Variants in TDRP observed in about 807,000 individuals in gnomAD.
The protein encoded by TDRP is testis development-related protein.
In TDRP, 12 loss-of-function variants were observed where a neutral mutation model predicts 10.5. The ratio of observed to expected loss-of-function variants is 1.15; its 90% CI spans 0.73 to 1.86. The LOEUF is 1.86. TDRP is among the 40% of genes most tolerant of loss of function. The pLI is 0.00. For missense variants in TDRP, 353 were observed against 229.2 expected, an observed-to-expected ratio of 1.54 and a Z score of -3.49; for synonymous variants, 139 against 95.4, an observed-to-expected ratio of 1.46 and a Z score of -2.67.
chr8:532,245 C>G (rs1310828026), intron 1 of TDRP, among the ~76,000 whole-genome samples: 1 of 152,168 alleles, frequency 6.6e-6, no homozygotes, highest in Non-Finnish European at 1.5e-5. Context: ...ATGTGGTGGC[C>G]AGCACTCAGT....
intron 2 of TDRP, among the ~76,000 whole-genome samples, chr8:493,756 CAG>C (rs1365510946): frequency 6.7e-6 from 1 of 148,212 alleles, no homozygotes; most frequent in African/African-American, 2.5e-5. Context: ...GTATTTTTAA[CAG>C]TGTTTTTTTT....
chr8:529,316 T>C (rs1286751150), intron 1 of TDRP, among the ~76,000 whole-genome samples: 1 of 152,146 alleles, frequency 6.6e-6, no homozygotes, highest in African/African-American at 2.4e-5. Flanking sequence ...AAAAACCAAA[T>C]CGAGTATTTT....
intron 1 of TDRP, among the ~76,000 whole-genome samples, chr8:512,462 A>T (rs1255212959): frequency 6.6e-6 from 1 of 152,156 alleles, no homozygotes; most frequent in African/African-American, 2.4e-5. Flanking sequence ...AGCAAAATTG[A>T]TAAATCTTGA....
chr8:521,951 CCTT>C (rs1201903725), intron 1 of TDRP, among the ~76,000 whole-genome samples: 1 of 151,962 alleles, frequency 6.6e-6, no homozygotes, highest in Non-Finnish European at 1.5e-5. Context: ...TTTCTAAGTA[CCTT>C]TTTTCTTGAT....
chr8:496,803 T>C (rs772841823), intron 1 of TDRP, among the ~76,000 whole-genome samples: 19 of 152,142 alleles, frequency 1.2e-4, no homozygotes, highest in Non-Finnish European at 8.8e-5. Flanking sequence ...GACTGGATCA[T>C]GGGGGCAGAT....
intron 1 of TDRP, among the ~76,000 whole-genome samples, chr8:515,569 C>G (rs1333684080): frequency 1.3e-5 from 2 of 152,148 alleles, no homozygotes; most frequent in African/African-American, 4.8e-5. Context: ...TGGAGCATTT[C>G]ACATTTTTAG....
chr8:496,782 T>G (rs565336294), intron 1 of TDRP, among the ~76,000 whole-genome samples: 1 of 152,312 alleles, frequency 6.6e-6, no homozygotes, highest in East Asian at 1.9e-4. Context: ...GGGAGGGACC[T>G]GGTGGGAGAT....
At chr8:535,631 C>G (rs565701632) in intron 1 of TDRP, among the ~76,000 whole-genome samples, 3 of 152,210 alleles carry the variant, frequency 2.0e-5, no homozygotes, top group East Asian at 3.9e-4. Flanking sequence ...AGACGTAAAG[C>G]CAAGTCGCCC....
At chr8:541,005 G>A (rs912047650) in intron 1 of TDRP, among the ~76,000 whole-genome samples, 3 of 152,192 alleles carry the variant, frequency 2.0e-5, no homozygotes, top group African/African-American at 7.2e-5. Context: ...CTTCTAACAT[G>A]ACAGTGAATT....
chr8:540,806 TAAAAAA>T (rs60390652), intron 1 of TDRP, among the ~76,000 whole-genome samples: 10 of 125,002 alleles, frequency 8.0e-5, no homozygotes, highest in Admixed American at 2.4e-4. Flanking sequence ...CTTTTTCACG[TAAAAAA>T]AAAAAAAAAA....
intron 1 of TDRP, among the ~76,000 whole-genome samples, chr8:521,277 C>A (rs1157879973): frequency 6.9e-6 from 1 of 145,296 alleles, no homozygotes; most frequent in Non-Finnish European, 1.5e-5. Flanking sequence ...AATAGGCAGG[C>A]GTGGTGGTGG....
chr8:502,593 C>T lies in TDRP; in HGVS notation c.109-7996G>A, dbSNP rs1270704344. Among the ~76,000 whole-genome samples, 4 of 152,236 alleles carry T rather than the reference C, an allele frequency of 2.6e-5. No individual in the cohort carries two copies. The East Asian group carries it at 7.7e-4, about 29-fold the overall frequency. ...CCAGAGCCATGCAGTGGGACCTACG[C>T]CTACCTCAGCACGTGTCAACATGGA... On this transcript the variant is annotated intron_variant, in intron 1 of 2. Transcript: ENST00000324079.
Position 498,302 on chromosome 8 carries a change from C to A in TDRP, c.109-3705G>T, listed in dbSNP as rs182437581. Reference sequence around the variant, plus strand: ...ACAGGGTCTGTGGAGATGCCCAATGCGTTGGAAGCCCACCCCTTGCATCAG... The same window carrying A: ...ACAGGGTCTGTGGAGATGCCCAATGAGTTGGAAGCCCACCCCTTGCATCAG... On this transcript the variant is annotated intron_variant, in intron 1 of 2. Coordinates refer to ENST00000324079, the MANE Select transcript of TDRP (RefSeq NM_001384899.1). 1.6e-4 allele frequency among the ~76,000 whole-genome samples: 24 copies of A among 152,310 alleles called. No individual in the cohort carries two copies. The East Asian group carries it at 3.7e-3, about 23-fold the overall frequency.
At chr8:533,826 C>T (rs867557788) in intron 1 of TDRP, among the ~76,000 whole-genome samples, 1 of 152,132 alleles carries the variant, frequency 6.6e-6, no homozygotes. Flanking sequence ...GTTCTCTTTC[C>T]TCGCAATGTT....
chr8:542,522 TAG>T (rs1035302225), intron 1 of TDRP, among the ~76,000 whole-genome samples: 12 of 151,844 alleles, frequency 7.9e-5, no homozygotes, highest in African/African-American at 2.2e-4. Flanking sequence ...ACCTGAAAAA[TAG>T]AGTCTATTAA....
intron 1 of TDRP, among the ~76,000 whole-genome samples, chr8:517,985 G>A (rs759395515): frequency 1.6e-4 from 25 of 152,128 alleles, no homozygotes; most frequent in Non-Finnish European, 2.8e-4. Flanking sequence ...GGAGCACAGT[G>A]GAATTTTAAA....
rs1325761734 is a variant in TDRP, at chr8:534,548, A to AACACTAGCCAGTGCTTTAGC, written c.108+10082_108+10101dup. On this transcript the variant is annotated intron_variant, in intron 1 of 2. Transcript: ENST00000324079. ...GTGCCACAGCTTTCTTGTGCTTGGG[A>AACACTAGCCAGTGCTTTAGC]ACACTAGCCAGTGCTTTAGCACTAT... Among the ~76,000 whole-genome samples, 3 of 152,320 alleles carry AACACTAGCCAGTGCTTTAGC rather than the reference A, an allele frequency of 2.0e-5. No individual in the cohort carries two copies. The East Asian group carries it at 5.8e-4, about 29-fold the overall frequency.
At chr8:495,038 C>T (rs541240709) in intron 1 of TDRP, 191 of 155,430 alleles carry the variant, frequency 1.2e-3, no homozygotes, top group African/African-American at 4.5e-3. Flanking sequence ...TCAACACCAG[C>T]CTGGGGAACA....
chr8:496,327 CAATT>C (rs1585133502), intron 1 of TDRP, among the ~76,000 whole-genome samples: 1 of 152,184 alleles, frequency 6.6e-6, no homozygotes, highest in African/African-American at 2.4e-5. Context: ...CAAGAAGTCT[CAATT>C]AAGAACATAA....
Sources: gnomAD v4.1 joint callset for allele counts (sites outside exome capture counted in the v4.1 genomes callset) on GRCh38, gnomAD v4.1.1 for gene constraint, MANE v1.5 for transcripts, NCBI Gene and HGNC (gene_info 2026-07-23, HGNC 2026-07-21) for gene names.